Variants in TMC1 observed in about 807,000 individuals in gnomAD.
The protein encoded by TMC1 is transmembrane channel-like protein 1.
A neutral mutation model predicts 105.8 loss-of-function variants in TMC1; 84 were observed. That is an observed-to-expected ratio of 0.79 (90% CI 0.67 to 0.95). TMC1 has a LOEUF of 0.95. Among genes scored for constraint, TMC1 ranks in the 40% least tolerant of loss-of-function variants. The pLI is 0.00. For synonymous variants in TMC1, 315 were observed against 311.5 expected (o/e 1.01, Z -0.12); for missense variants, 817 against 914.1 (o/e 0.89, Z 1.37).
At chr9:72,627,838 C>T (rs1825376857) in intron 3 of TMC1, 83 bp from the exon 4 acceptor site, 7 of 347,298 alleles carry the variant, frequency 2.0e-5, no homozygotes, top group South Asian at 1.6e-4. Flanking sequence ...ATTTAAAAAA[C>T]ATTCTTTACT....
intron 2 of TMC1, among the ~76,000 whole-genome samples, chr9:72,607,188 A>G (rs2132116627): frequency 6.6e-6 from 1 of 152,314 alleles, no homozygotes; most frequent in African/African-American, 2.4e-5. Flanking sequence ...GGAATTTACA[A>G]TGGAGTTTAC....
chr9:72,581,606 C>T (rs1344607107), intron 2 of TMC1, among the ~76,000 whole-genome samples: 3 of 152,204 alleles, frequency 2.0e-5, no homozygotes, highest in Non-Finnish European at 4.4e-5. Flanking sequence ...AGTATCAGCA[C>T]AGCTCAATTT....
chr9:72,589,463 AT>A (rs1824601649), intron 2 of TMC1, among the ~76,000 whole-genome samples: 1 of 152,224 alleles, frequency 6.6e-6, no homozygotes. Context: ...TTAAATGTAT[AT>A]TTTTGTAATG....
chr9:72,822,229 T>TAA (rs1828886074), intron 20 of TMC1, among the ~76,000 whole-genome samples: 1 of 152,174 alleles, frequency 6.6e-6, no homozygotes, highest in Non-Finnish European at 1.5e-5. Context: ...TTTCTCCTTT[T>TAA]CAGTGAAGGA....
At chr9:72,805,031 A>G (rs1205559155) in intron 17 of TMC1, among the ~76,000 whole-genome samples, 1 of 152,194 alleles carries the variant, frequency 6.6e-6, no homozygotes. Context: ...CGTTGCAAGC[A>G]CTTTTTCCAC....
chr9:72,577,124 A>G (rs1378039826), intron 1 of TMC1, among the ~76,000 whole-genome samples: 1 of 152,154 alleles, frequency 6.6e-6, no homozygotes, highest in Admixed American at 6.5e-5. Context: ...TATTGTTTCA[A>G]GTCAAATCCG....
intron 2 of TMC1, among the ~76,000 whole-genome samples, chr9:72,609,333 G>A (rs1056894821): frequency 2.0e-5 from 3 of 152,004 alleles, no homozygotes; most frequent in Non-Finnish European, 4.4e-5. Flanking sequence ...GAGGTCAGGA[G>A]TTTGATACCA....
At chr9:72,718,659 C>T (rs1204596023) in intron 8 of TMC1, among the ~76,000 whole-genome samples, 2 of 152,138 alleles carry the variant, frequency 1.3e-5, no homozygotes, top group African/African-American at 4.8e-5. Flanking sequence ...TTGTTTAATG[C>T]ACTAGTTTTG....
At chr9:72,742,648 A>G in intron 10 of TMC1, 123 bp downstream of exon 10, 2 of 841,828 alleles carry the variant, frequency 2.4e-6, no homozygotes, top group South Asian at 2.9e-5. Context: ...ACAAACAAAC[A>G]AAAACCAAAT....
At chr9:72,733,317 G>A (rs1260821173) in intron 8 of TMC1, among the ~76,000 whole-genome samples, 11 of 151,914 alleles carry the variant, frequency 7.2e-5, no homozygotes, top group Admixed American at 6.6e-4. Context: ...CCCAGGCGGT[G>A]TCATAACTGG....
At chr9:72,834,518 G>A (rs1011358018) in intron 23 of TMC1, among the ~76,000 whole-genome samples, 4 of 152,086 alleles carry the variant, frequency 2.6e-5, no homozygotes, top group African/African-American at 9.7e-5. Flanking sequence ...CTCCTCTTAA[G>A]CTGATCAGAT....
At chr9:72,780,631 T>C (rs1362361882) in intron 13 of TMC1, among the ~76,000 whole-genome samples, 3 of 152,026 alleles carry the variant, frequency 2.0e-5, no homozygotes, top group Non-Finnish European at 4.4e-5. Context: ...TAAAAATCTA[T>C]CAAGCAAACA....
At chr9:72,681,803 T>C (rs570363810) in intron 5 of TMC1, among the ~76,000 whole-genome samples, 1 of 152,340 alleles carries the variant, frequency 6.6e-6, no homozygotes, top group Non-Finnish European at 1.5e-5. Flanking sequence ...TCAGAGTTAG[T>C]GTCCTCTCTC....
chr9:72,654,439 GAGTA>G (rs1173307800), intron 5 of TMC1, among the ~76,000 whole-genome samples: 1 of 151,886 alleles, frequency 6.6e-6, no homozygotes, highest in African/African-American at 2.4e-5. Context: ...TCTTCCTTTA[GAGTA>G]AGTATTTTTT....
At chr9:72,743,630 C>A (rs1445046942) in intron 10 of TMC1, among the ~76,000 whole-genome samples, 4 of 149,970 alleles carry the variant, frequency 2.7e-5, no homozygotes, top group Admixed American at 6.6e-5. Flanking sequence ...ATTTTCAAAT[C>A]TCTGAAGTAG....
intron 13 of TMC1, among the ~76,000 whole-genome samples, chr9:72,785,918 T>A (rs1391521987): frequency 2.6e-5 from 4 of 152,220 alleles, no homozygotes; most frequent in Admixed American, 6.5e-5. Context: ...TTTTCTTGTG[T>A]GGTCTTATCC....
intron 12 of TMC1, among the ~76,000 whole-genome samples, chr9:72,766,339 C>T (rs181206177): frequency 6.6e-6 from 1 of 151,846 alleles, no homozygotes; most frequent in African/African-American, 2.4e-5. Flanking sequence ...ATGGCATGAA[C>T]CCAGGAGGCG....
intron 1 of TMC1, among the ~76,000 whole-genome samples, chr9:72,542,545 G>A (rs957370007): frequency 1.3e-5 from 2 of 151,908 alleles, no homozygotes; most frequent in East Asian, 1.9e-4. Flanking sequence ...ACTTGAACCC[G>A]GGAGGCAGAG....
intron 19 of TMC1, among the ~76,000 whole-genome samples, chr9:72,817,617 CAT>C (rs1463296465): frequency 1.3e-5 from 2 of 152,208 alleles, no homozygotes; most frequent in African/African-American, 4.8e-5. Context: ...TTCACGCAGA[CAT>C]ATGCTGCACG....
Sources: allele counts gnomAD v4.1 joint callset (sites outside exome capture counted in the v4.1 genomes callset), GRCh38; gene constraint gnomAD v4.1.1; transcripts MANE v1.5; gene names NCBI Gene and HGNC (gene_info 2026-07-23, HGNC 2026-07-21).